The following WWOX variants were observed in gnomAD, a reference collection of about 807,000 sequenced individuals.
WWOX encodes WW domain containing oxidoreductase.
WWOX carries 69 observed loss-of-function variants against 46.2 expected under a neutral mutation model. The observed-to-expected ratio is 1.49, with a 90% confidence interval of 1.23 to 1.82. The LOEUF (loss-of-function observed/expected upper bound fraction) is 1.82. WWOX is among the 40% of genes most tolerant of loss of function. The pLI is 0.00. For synonymous variants in WWOX, 359 were observed against 202.6 expected (o/e 1.77, Z -6.56); for missense variants, 919 against 542.6 (o/e 1.69, Z -6.89).
At chr16:79,071,770 G>C (rs965840891) in intron 8 of WWOX, among the ~76,000 whole-genome samples, 1 of 152,214 alleles carries the variant, frequency 6.6e-6, no homozygotes, top group Non-Finnish European at 1.5e-5. Flanking sequence ...AAAAATGAGT[G>C]GCTCTGATTC....
At chr16:79,128,466 A>G (rs900994519) in intron 8 of WWOX, among the ~76,000 whole-genome samples, 4 of 152,148 alleles carry the variant, frequency 2.6e-5, no homozygotes, top group African/African-American at 9.7e-5. Flanking sequence ...TCCCCCTGTT[A>G]CAGGTAAGAA....
chr16:78,266,796 C>CTT (rs1223117392), intron 5 of WWOX, among the ~76,000 whole-genome samples: 3 of 131,000 alleles, frequency 2.3e-5, no homozygotes, highest in Non-Finnish European at 4.8e-5. Context: ...TATTCTCTCT[C>CTT]TCTCTCTCTC....
At chr16:78,419,048 A>G (rs2082864484) in intron 6 of WWOX, among the ~76,000 whole-genome samples, 1 of 152,234 alleles carries the variant, frequency 6.6e-6, no homozygotes, top group African/African-American at 2.4e-5. Flanking sequence ...TCTGTAGAAA[A>G]TCCTAGAAAG....
intron 8 of WWOX, among the ~76,000 whole-genome samples, chr16:79,209,249 G>A (rs1218379388): frequency 1.3e-5 from 2 of 152,188 alleles, no homozygotes; most frequent in East Asian, 3.9e-4. Context: ...GAAAAGGTAG[G>A]TCCCCAGCTC....
At chr16:78,228,180 A>C (rs1025217592) in intron 5 of WWOX, among the ~76,000 whole-genome samples, 2 of 152,062 alleles carry the variant, frequency 1.3e-5, no homozygotes, top group African/African-American at 4.8e-5. Flanking sequence ...GCAACAGGAC[A>C]CAAGAAGATT....
At chr16:79,103,520 C>T (rs2049245257) in intron 8 of WWOX, among the ~76,000 whole-genome samples, 1 of 152,140 alleles carries the variant, frequency 6.6e-6, no homozygotes, top group African/African-American at 2.4e-5. Context: ...CTGGAGAACA[C>T]CCGTTTCATT....
In WWOX at chr16:78,753,183, C is replaced by G. The variant is rs540199746; in HGVS notation, c.1056+320431C>G. ...GGCGTGGGGGCAGGCGCCTGTAATC[C>G]CAGCTACTCTGGAGGCTGAGACAGG... On this transcript the variant is annotated intron_variant, in intron 8 of 8. Transcript: ENST00000566780. 4.9e-4 allele frequency among the ~76,000 whole-genome samples: 75 copies of G among 152,158 alleles called. No homozygotes were observed. In the Middle Eastern group the frequency reaches 0.01, roughly 21 times the overall value.
intron 8 of WWOX, chr16:78,895,953 C>A (rs79936919): frequency 2.6e-5 from 4 of 152,138 alleles, no homozygotes; most frequent in African/African-American, 9.7e-5. Context: ...TTGACGCTGA[C>A]TTAACATCCC....
intron 8 of WWOX, among the ~76,000 whole-genome samples, chr16:78,966,530 C>A (rs147514526): frequency 6.6e-6 from 1 of 151,668 alleles, no homozygotes; most frequent in African/African-American, 2.4e-5. Flanking sequence ...TTTAACTCTT[C>A]CCCTAATAGT....
At chr16:78,566,827 C>A (rs2044580613) in intron 8 of WWOX, among the ~76,000 whole-genome samples, 1 of 152,134 alleles carries the variant, frequency 6.6e-6, no homozygotes, top group Admixed American at 6.5e-5. Context: ...TTGTTTGATT[C>A]ATCAATCAGA....
intron 8 of WWOX, among the ~76,000 whole-genome samples, chr16:78,772,434 A>G (rs574690657): frequency 6.6e-6 from 1 of 151,954 alleles, no homozygotes; most frequent in Non-Finnish European, 1.5e-5. Context: ...TTTTTAATCC[A>G]ATCTGTCATT....
intron 8 of WWOX, among the ~76,000 whole-genome samples, chr16:78,455,799 A>G (rs55946123): frequency 0.033 from 5,019 of 151,592 alleles, 182 homozygotes; most frequent in South Asian, 0.19. Flanking sequence ...GGTTAAAAAA[A>G]AAAAAAAGGC....
Position 78,329,816 on chromosome 16 carries a change from A to G in WWOX, c.517-57044A>G, listed in dbSNP as rs529878809. 9.9e-5 allele frequency among the ~76,000 whole-genome samples: 15 copies of G among 151,072 alleles called. No individual in the cohort carries two copies. The East Asian group carries it at 2.9e-3, about 30-fold the overall frequency. ...GGCTCAAGTGCAGTGGTAGAATCAT[A>G]GCTCACTGCAGCCTCAAACTCTTTG... On this transcript the variant is annotated intron_variant, in intron 5 of 8. Transcript: ENST00000566780.
At chr16:78,524,757 G>A (rs1195603615) in intron 8 of WWOX, among the ~76,000 whole-genome samples, 1 of 146,364 alleles carries the variant, frequency 6.8e-6, no homozygotes, top group East Asian at 2.0e-4. Flanking sequence ...TTAGCATTGT[G>A]ATAAATAATA....
intron 8 of WWOX, among the ~76,000 whole-genome samples, chr16:79,058,388 T>G (rs17647580): frequency 6.6e-5 from 10 of 151,766 alleles, no homozygotes; most frequent in African/African-American, 1.7e-4. Context: ...TGGATAAATA[T>G]ACTTTTGAAT....
intron 5 of WWOX, among the ~76,000 whole-genome samples, chr16:78,313,497 C>G (rs1046353001): frequency 6.6e-6 from 1 of 152,144 alleles, no homozygotes; most frequent in South Asian, 2.1e-4. Flanking sequence ...CCTGGAGTAG[C>G]TGAGATTACA....
At chr16:78,649,751 G>C (rs2046924428) in intron 8 of WWOX, among the ~76,000 whole-genome samples, 1 of 152,164 alleles carries the variant, frequency 6.6e-6, no homozygotes, top group African/African-American at 2.4e-5. Flanking sequence ...TGTATAACTT[G>C]GGTTTACTTA....
At chr16:78,515,690 GCCTTTT>G (rs1166464157) in intron 8 of WWOX, among the ~76,000 whole-genome samples, 6 of 152,178 alleles carry the variant, frequency 3.9e-5, no homozygotes, top group Non-Finnish European at 1.5e-5. Context: ...TTCCACACCT[GCCTTTT>G]CACCTGCCAG....
chr16:78,364,039 C>G (rs918498084), intron 5 of WWOX, among the ~76,000 whole-genome samples: 1 of 152,214 alleles, frequency 6.6e-6, no homozygotes, highest in Non-Finnish European at 1.5e-5. Context: ...TGGCCCCGTG[C>G]CACATCCCCC....
Sources: allele counts gnomAD v4.1 joint callset (sites outside exome capture counted in the v4.1 genomes callset), GRCh38; gene constraint gnomAD v4.1.1; transcripts MANE v1.5; gene names NCBI Gene and HGNC (gene_info 2026-07-23, HGNC 2026-07-21).